NUP88: variants seen among roughly 807,000 people sequenced by gnomAD.
NUP88 encodes nucleoporin 88, also known as nuclear pore complex protein Nup88.
In NUP88, 57 loss-of-function variants were observed where a neutral mutation model predicts 93.9. The ratio of observed to expected loss-of-function variants is 0.61; its 90% CI spans 0.49 to 0.76. NUP88 has a LOEUF of 0.76. Ranked by LOEUF, NUP88 falls within the 30% of genes least tolerant of loss-of-function variation. The pLI is 0.00. For synonymous variants in NUP88, 346 were observed against 336.8 expected, an observed-to-expected ratio of 1.03 and a Z score of -0.30; for missense variants, 911 against 901.0, an observed-to-expected ratio of 1.01 and a Z score of -0.14.
At chr17:5,398,937 G>C (rs933788058) in intron 8 of NUP88, among the ~76,000 whole-genome samples, 22 of 144,336 alleles carry the variant, frequency 1.5e-4, no homozygotes, top group Non-Finnish European at 3.0e-4. Flanking sequence ...TGCCCAGGCT[G>C]GAGTGCAGTG....
At chr17:5,401,382 CA>C (rs972048733) in intron 7 of NUP88, among the ~76,000 whole-genome samples, 10 of 114,174 alleles carry the variant, frequency 8.8e-5, no homozygotes, top group Non-Finnish European at 1.4e-4. Flanking sequence ...AACTCCGTCT[CA>C]AAAAAAAACA....
intron 2 of NUP88, among the ~76,000 whole-genome samples, chr17:5,415,546 G>C (rs1914087182): frequency 6.6e-6 from 1 of 152,092 alleles, no homozygotes; most frequent in African/African-American, 2.4e-5. Flanking sequence ...ATAAGTTGCG[G>C]AGCTAAAAGC....
chr17:5,388,490 G>A (rs1912198271), intron 11 of NUP88: 3 of 199,378 alleles, frequency 1.5e-5, no homozygotes, highest in South Asian at 2.9e-4. Context: ...GGGTTTTGCT[G>A]TGTTAGCCAG....
In NUP88 at chr17:5,387,851, C is replaced by G; in HGVS notation, c.1697G>C (p.Ser566Thr). Residue 566 changes from serine (S) to threonine (T), a missense_variant, in exon 12 of 17, where the codon AGC becomes ACC. Physicochemically the swap from Ser to Thr is moderately conservative, Grantham distance 58 (BLOSUM62 1). Coordinates refer to ENST00000573584, the MANE Select transcript of NUP88 (RefSeq NM_002532.6). ...CTCTCTGAACACCTGGGTGGCTCTG[C>G]TGAGGAGCTGAAGGCATTCTTCAGG... ...PPPEECLQLL[S>T]RATQVFREQY... 4 of 1,614,076 alleles carry G rather than the reference C, an allele frequency of 2.5e-6. No homozygotes were observed. The highest frequency in any genetic ancestry group is 3.4e-6 in the Non-Finnish European group (4 of 1,179,988).
At chr17:5,415,885 C>T (rs1265942474) in intron 2 of NUP88, among the ~76,000 whole-genome samples, 3 of 151,928 alleles carry the variant, frequency 2.0e-5, no homozygotes, top group South Asian at 2.1e-4. Flanking sequence ...TGGCTCACAC[C>T]TATAACCCCG....
intron 7 of NUP88, among the ~76,000 whole-genome samples, chr17:5,400,104 C>T (rs1226262797): frequency 7.6e-6 from 1 of 130,998 alleles, no homozygotes; most frequent in South Asian, 2.6e-4. Flanking sequence ...TGCCGATAGA[C>T]TTGCTTGATG....
intron 10 of NUP88, among the ~76,000 whole-genome samples, chr17:5,389,624 A>C (rs908930042): frequency 6.6e-6 from 1 of 151,694 alleles, no homozygotes; most frequent in Non-Finnish European, 1.5e-5. Context: ...AAAAATATAA[A>C]AATCAGCTGG....
intron 4 of NUP88, among the ~76,000 whole-genome samples, chr17:5,409,623 A>G (rs1357788201): frequency 6.6e-6 from 1 of 152,204 alleles, no homozygotes; most frequent in Non-Finnish European, 1.5e-5. Flanking sequence ...TGTGCCAGGT[A>G]CTTTTCTAGG....
In NUP88 at chr17:5,408,918, A is replaced by G; in HGVS notation, c.681-9T>C. The G allele has an allele frequency of 6.5e-7, 1 of 1,544,270 alleles. No homozygotes were observed. Among genetic ancestry groups the G allele is most frequent in the East Asian group, 2.4e-5 (1 of 42,352 alleles). On this transcript the variant is annotated splice_polypyrimidine_tract_variant and intron_variant, in intron 4 of 16. Coordinates refer to ENST00000573584, the MANE Select transcript of NUP88 (RefSeq NM_002532.6). The stretch of plus-strand genomic sequence containing the variant: ...ATGCGGTATACGCCCTTCTGGAAAG[A>G]GATGTAAAAACCAACTTGTTAAAAA...
intron 7 of NUP88, among the ~76,000 whole-genome samples, chr17:5,402,060 A>C (rs1316862623): frequency 2.0e-5 from 3 of 151,978 alleles, no homozygotes; most frequent in African/African-American, 7.3e-5. Context: ...TTTATGCCTA[A>C]AATCCCAGCA....
At chr17:5,391,394 T>A (rs373652549) in intron 10 of NUP88, 167 bp downstream of exon 10, 7 of 597,724 alleles carry the variant, frequency 1.2e-5, no homozygotes, top group African/African-American at 3.7e-5. Flanking sequence ...TGAAACCTTA[T>A]AGAGATGATG....
Position 5,387,021 on chromosome 17 carries a change from G to C in NUP88, c.2006C>G (p.Pro669Arg). The change falls in exon 15 of 17, where the codon CCT (proline) becomes CGT (arginine). Residue 669 changes from proline to arginine, a missense_variant. Transcript: ENST00000573584. ...RDMKKELQLI[P>R]DQLRHLGNAI... ...ATTGCCCAAATGTCGAAGTTGATCA[G>C]GTATCAGCTGTAATTCTTTCTTCAT... 1 of 1,613,998 alleles carries C rather than the reference G, an allele frequency of 6.2e-7. No individual in the cohort carries two copies. Among genetic ancestry groups the C allele is most frequent in the South Asian group, 1.1e-5 (1 of 91,070 alleles).
chr17:5,398,584 C>T (rs1031299407), intron 8 of NUP88, among the ~76,000 whole-genome samples: 1 of 150,584 alleles, frequency 6.6e-6, no homozygotes, highest in Non-Finnish European at 1.5e-5. Flanking sequence ...AGCCACTGTG[C>T]CTGGCCTAAC....
chr17:5,413,973 A>G (rs938978013), intron 3 of NUP88, 36 bp downstream of exon 3: 3 of 1,606,514 alleles, frequency 1.9e-6, no homozygotes, highest in African/African-American at 2.7e-5. Context: ...GAGCTTTCCC[A>G]CTCGCAAGGC....
Position 5,388,920 on chromosome 17 carries a change from G to A in NUP88, c.1525C>T (p.Arg509Ter), listed in dbSNP as rs774070092. Residue 509 changes from arginine (R) to a stop codon, truncating the protein, a stop_gained, in exon 11 of 17, where the codon CGA becomes TGA. Coordinates refer to ENST00000573584, the MANE Select transcript of NUP88 (RefSeq NM_002532.6). LOFTEE classifies it high-confidence loss of function. ...HPASPPLLCT[R>*]EDVEVAESPL... ...GACTCTGCCACTTCAACATCTTCTC[G>A]AGTACAAAGCAGGGGAGGAGACGCT... is the stretch of plus-strand genomic sequence containing the variant. The A allele has an allele frequency of 1.5e-5, 25 of 1,613,608 alleles. No homozygotes were observed. The highest frequency in any genetic ancestry group is 1.9e-5 in the Non-Finnish European group (23 of 1,179,808).
intron 1 of NUP88, chr17:5,417,870 A>T (rs1437516380): frequency 2.6e-5 from 4 of 152,290 alleles, no homozygotes; most frequent in Admixed American, 2.0e-4. Flanking sequence ...AGCCGGGCGC[A>T]GTGGCTCACG....
chr17:5,404,946 A>G, intron 6 of NUP88, 111 bp downstream of exon 6: 1 of 965,238 alleles, frequency 1.0e-6, no homozygotes. Context: ...CCAAAATATC[A>G]GAAGTTCCAT....
At chr17:5,412,933 C>T (rs970573622) in intron 3 of NUP88, among the ~76,000 whole-genome samples, 3 of 152,094 alleles carry the variant, frequency 2.0e-5, no homozygotes, top group African/African-American at 7.2e-5. Context: ...AAAGAGCAGA[C>T]CGCACACTCT....
At chr17:5,400,374 T>C in intron 7 of NUP88, among the ~76,000 whole-genome samples, 1 of 151,784 alleles carries the variant, frequency 6.6e-6, no homozygotes, top group East Asian at 1.9e-4. Context: ...CATGCACCTG[T>C]GATCCCAGCT....
Sources: gnomAD v4.1 joint callset for allele counts (sites outside exome capture counted in the v4.1 genomes callset) on GRCh38, gnomAD v4.1.1 for gene constraint, MANE v1.5 for transcripts, NCBI Gene and HGNC (gene_info 2026-07-23, HGNC 2026-07-21) for gene names.